The following TRIM47 variants were observed in gnomAD, a reference collection of about 807,000 sequenced individuals.
TRIM47 encodes the protein tripartite motif containing 47, also known as E3 ubiquitin-protein ligase TRIM47.
In TRIM47, 46 loss-of-function variants were observed where a neutral mutation model predicts 54.4. That is an observed-to-expected ratio of 0.84 (90% CI 0.67 to 1.08). The LOEUF is 1.08. Ranked by LOEUF, TRIM47 falls within the 50% of genes least tolerant of loss-of-function variation. The probability of loss-of-function intolerance (pLI) is 0.00; values close to 1 mark genes in which losing one functional copy is unlikely to be tolerated. For missense variants in TRIM47, 825 were observed against 910.1 expected (o/e 0.91, Z 1.20); for synonymous variants, 392 against 410.2 (o/e 0.96, Z 0.54).
intron 1 of TRIM47, chr17:75,877,502 C>T (rs2065142695): frequency 6.6e-6 from 2 of 304,266 alleles, no homozygotes; most frequent in East Asian, 7.5e-5. Context: ...AAGCTGCTGC[C>T]TCAGCCCAGG....
At position 75,876,351 on chromosome 17, in the gene TRIM47, G is replaced by A. The variant is rs199950413; in HGVS notation, c.913C>T (p.Arg305Trp). Residue 305 changes from arginine to tryptophan, a missense_variant, in exon 3 of 6, where the codon CGG becomes TGG. By Grantham distance (101) the Arg-to-Trp change is moderately radical. Coordinates refer to ENST00000254816, the MANE Select transcript of TRIM47 (RefSeq NM_033452.3). ...AMLGRSQGDL[R>W]RQEEQRSRLS... The stretch of plus-strand genomic sequence containing the variant: ...CGGCTGCGCTGTTCCTCCTGTCGCC[G>A]CAGGTCACCCTGGGAGCGGCCTAGC... 59 of 1,611,812 alleles carry A rather than the reference G, an allele frequency of 3.7e-5. No individual in the cohort carries two copies. The highest frequency in any genetic ancestry group is 3.3e-4 in the African/African-American group (25 of 75,024).
chr17:75,876,099 C>G lies in TRIM47; in HGVS notation c.1003G>C (p.Glu335Gln). ...AGGGCCAGCCTTAGTGCCAGCAGCTCCTGTGCCAGACAAATGCCCATTAAA... is the reference window on the plus strand; with the variant it reads ...AGGGCCAGCCTTAGTGCCAGCAGCTGCTGTGCCAGACAAATGCCCATTAAA... ...PEADSVSFLQELLALRLALED... is the reference protein window; with the variant it reads ...PEADSVSFLQQLLALRLALED... Residue 335 changes from glutamate to glutamine, a missense_variant and splice_region_variant, in exon 4 of 6, where the codon GAG (glutamate) becomes CAG (glutamine). Transcript: ENST00000254816. 2 of 1,600,338 alleles carry G rather than the reference C, an allele frequency of 1.2e-6. No homozygotes were observed. Among genetic ancestry groups the G allele is most frequent in the Non-Finnish European group, 1.7e-6 (2 of 1,179,748 alleles).
chr17:75,878,239 C>G lies in TRIM47; in HGVS notation c.310G>C (p.Ala104Pro). 1 of 1,234,378 alleles carries G rather than the reference C, an allele frequency of 8.1e-7. No individual in the cohort carries two copies. Among genetic ancestry groups the G allele is most frequent in the Non-Finnish European group, 1.0e-6 (1 of 988,962 alleles). The allele number at this position is 1,234,378 out of a possible 1,614,324, so 76.5% of individuals were successfully genotyped here. A position where few individuals can be genotyped will look rare whatever the true frequency, so the allele number is the denominator to read the frequency against. Reference sequence around the variant, plus strand: ...GACGGCTCCGGGACACTGGGCAGCGCGCTGGGTGCCGAGGGCTCCGGGGCC... The same window carrying G: ...GACGGCTCCGGGACACTGGGCAGCGGGCTGGGTGCCGAGGGCTCCGGGGCC... ...ALAPEPSAPSALPSVPEPSAP... is the reference protein window; with the variant it reads ...ALAPEPSAPSPLPSVPEPSAP... Residue 104 changes from alanine (A) to proline (P), a missense_variant, in exon 1 of 6, where the codon GCG (alanine) becomes CCG (proline). By Grantham distance (27) the Ala-to-Pro change is conservative. Coordinates refer to ENST00000254816, the MANE Select transcript of TRIM47 (RefSeq NM_033452.3).
rs375823696 is a variant in TRIM47, at chr17:75,876,793, C to G, written c.696G>C (p.Leu232=). Residue 232 remains leucine (L), a synonymous_variant, in exon 2 of 6, where the codon CTG becomes CTC. Coordinates refer to ENST00000254816, the MANE Select transcript of TRIM47 (RefSeq NM_033452.3). ...ALQEAEQSKV[L]SAVEDRMDEL... ...CGTCCATGCGGTCCTCCACGGCGCTCAGGACTTTGGACTGCTCAGCCTGTG... is the reference window on the plus strand; with the variant it reads ...CGTCCATGCGGTCCTCCACGGCGCTGAGGACTTTGGACTGCTCAGCCTGTG... 36 of 1,614,102 alleles carry G rather than the reference C, an allele frequency of 2.2e-5. No individual in the cohort carries two copies. In the South Asian group the frequency reaches 2.9e-4, roughly 13 times the overall value.
In TRIM47 at chr17:75,875,962, C is replaced by T; in HGVS notation, c.1140G>A (p.Gln380=). 1 of 1,610,380 alleles carries T rather than the reference C, an allele frequency of 6.2e-7. No individual in the cohort carries two copies. The highest frequency in any genetic ancestry group is 8.5e-7 in the Non-Finnish European group (1 of 1,179,994). ...CACCCGGCCCCCTCAGCTGCTCCCACTGGTTGACGCAGGCCACGGCCAGCA... is the reference window on the plus strand; with the variant it reads ...CACCCGGCCCCCTCAGCTGCTCCCATTGGTTGACGCAGGCCACGGCCAGCA... The part of the protein sequence containing the change: ...RDMLAVACVN[Q]WEQLRGPGGN... The change falls in exon 4 of 6, where the codon CAG becomes CAA. Residue 380 remains glutamine (Q), a synonymous_variant. Transcript: ENST00000254816. The surrounding 1 kb of genome is among the most constrained non-coding windows in gnomAD (Gnocchi z 6.1).
intron 1 of TRIM47, chr17:75,877,365 A>C: frequency 6.1e-6 from 1 of 163,292 alleles, no homozygotes; most frequent in Non-Finnish European, 1.3e-5. Flanking sequence ...GGCCAAAGGA[A>C]ACTGGGGGCG....
Position 75,876,901 on chromosome 17 carries a change from G to A in TRIM47, c.676-88C>T, listed in dbSNP as rs1599437635. On this transcript the variant is annotated intron_variant, in intron 1 of 5. Transcript: ENST00000254816. ...CCAGGCCTTGCCAGGGGAGAGAAGG[G>A]GGTGACTGGGGAGTGGTATCTGTGC... 6 of 1,269,136 alleles carry A rather than the reference G, an allele frequency of 4.7e-6. No homozygotes were observed. In the East Asian group the frequency reaches 1.2e-4, roughly 26 times the overall value. The allele number at this position is 1,269,136 out of a possible 1,614,324, so 78.6% of individuals were successfully genotyped here.
In TRIM47 at chr17:75,874,396, T is replaced by C. The variant is rs1014888562; in HGVS notation, c.*87A>G. 2 of 1,305,486 alleles carry C rather than the reference T, an allele frequency of 1.5e-6. No homozygotes were observed. The highest frequency in any genetic ancestry group is 2.1e-6 in the Non-Finnish European group (2 of 967,362). The allele number at this position is 1,305,486 out of a possible 1,614,324, so 80.9% of individuals were successfully genotyped here. A position where few individuals can be genotyped will look rare whatever the true frequency, so the allele number is the denominator to read the frequency against. On this transcript the variant is annotated 3_prime_UTR_variant, in exon 6 of 6. Transcript: ENST00000254816. This position sits in a 1 kb window ranked among gnomAD's most constrained non-coding sequence, Gnocchi z 6.2. ...GAGAAGGCTGGGTGTGTGGGACTCATGCTGGTGCCTTCCCAGACGAAGGAG... is the reference window on the plus strand; with the variant it reads ...GAGAAGGCTGGGTGTGTGGGACTCACGCTGGTGCCTTCCCAGACGAAGGAG...
Position 75,876,507 on chromosome 17 carries a change from A to C in TRIM47, c.772-15T>G. The C allele has an allele frequency of 6.3e-7, 1 of 1,582,518 alleles. No homozygotes were observed. ...ACGGCTGCACTCTGCACAGGACGACAGTAGAGGGGGCAATGAGGGCAAAGA... is the reference window on the plus strand; with the variant it reads ...ACGGCTGCACTCTGCACAGGACGACCGTAGAGGGGGCAATGAGGGCAAAGA... On this transcript the variant is annotated splice_polypyrimidine_tract_variant and intron_variant, in intron 2 of 5. Transcript: ENST00000254816.
chr17:75,878,475 C>T lies in TRIM47; in HGVS notation c.74G>A (p.Gly25Asp). ...CAGGCAGGCGAGACAGAAGTTGTGG[C>T]CGCAGGGCAGCGTCACCGGCTCCCG... ...PLREPVTLPCGHNFCLACLGA... is the reference protein window; with the variant it reads ...PLREPVTLPCDHNFCLACLGA... Residue 25 changes from glycine (G) to aspartate (D), a missense_variant, in exon 1 of 6, where the codon GGC becomes GAC. Coordinates refer to ENST00000254816, the MANE Select transcript of TRIM47 (RefSeq NM_033452.3). 2.1e-6 allele frequency: 3 copies of T among 1,406,902 alleles called. No individual in the cohort carries two copies. Among genetic ancestry groups the T allele is most frequent in the Admixed American group, 5.3e-5 (2 of 37,952 alleles). 87.2% of individuals were successfully genotyped at this position (1,406,902 alleles called of 1,614,324 possible).
At position 75,875,184 on chromosome 17, in the gene TRIM47, C is replaced by T. The variant is rs1366777112; in HGVS notation, c.1277-61G>A. The stretch of plus-strand genomic sequence containing the variant: ...GGGCCAGGCTCAGAGGGCACGGCCC[C>T]TCCCCAAGTACCCACCCCCCCAAAA... On this transcript the variant is annotated intron_variant, in intron 5 of 5. Coordinates refer to ENST00000254816, the MANE Select transcript of TRIM47 (RefSeq NM_033452.3). The surrounding 1 kb of genome is among the most constrained non-coding windows in gnomAD (Gnocchi z 6.1). 3 of 1,525,564 alleles carry T rather than the reference C, an allele frequency of 2.0e-6. No individual in the cohort carries two copies. Among genetic ancestry groups the T allele is most frequent in the East Asian group, 4.5e-5 (2 of 44,188 alleles). The allele number at this position is 1,525,564 out of a possible 1,614,324, so 94.5% of individuals were successfully genotyped here.
intron 2 of TRIM47, 58 bp from the exon 3 acceptor site, chr17:75,876,550 C>T: frequency 6.6e-7 from 1 of 1,510,718 alleles, no homozygotes; most frequent in Non-Finnish European, 8.9e-7. Context: ...CGGACTGTAC[C>T]CCCCTCCTTC....
rs761531104 is a variant in TRIM47 at position 75,874,935 on chromosome 17, T to A, written c.1465A>T (p.Ile489Phe). The change falls in exon 6 of 6, where the codon ATC becomes TTC. Residue 489 changes from isoleucine to phenylalanine, a missense_variant. Physicochemically the swap from Ile to Phe is conservative, Grantham distance 21 (BLOSUM62 0). Coordinates refer to ENST00000254816, the MANE Select transcript of TRIM47 (RefSeq NM_033452.3). The surrounding 1 kb of genome is among the most constrained non-coding windows in gnomAD (Gnocchi z 6.2). ...RGTYYWEVEIIEGWVSMGVMA... is the reference protein window; with the variant it reads ...RGTYYWEVEIFEGWVSMGVMA... ...ACCCCCATGCTGACCCAGCCCTCGA[T>A]AATCTCCACCTCCCAGTAGTAGGTG... 2.5e-6 allele frequency: 4 copies of A among 1,614,042 alleles called. No homozygotes were observed. The highest frequency in any genetic ancestry group is 1.7e-5 in the Admixed American group (1 of 60,018).
Position 75,875,803 on chromosome 17 carries a change from A to G in TRIM47, c.1201+98T>C. The G allele has an allele frequency of 7.1e-7, 1 of 1,408,206 alleles. No homozygotes were observed. The allele number at this position is 1,408,206 out of a possible 1,614,324, so 87.2% of individuals were successfully genotyped here. A position where few individuals can be genotyped will look rare whatever the true frequency, so the allele number is the denominator to read the frequency against. Reference sequence around the variant, plus strand: ...TGGGCTCCTCCCTGTGCCAGGCACAATTTTCCTCCTCCACTTCTGGATGGG... The same window carrying G: ...TGGGCTCCTCCCTGTGCCAGGCACAGTTTTCCTCCTCCACTTCTGGATGGG... On this transcript the variant is annotated intron_variant, in intron 4 of 5. Transcript: ENST00000254816. The surrounding 1 kb of genome is among the most constrained non-coding windows in gnomAD (Gnocchi z 6.1).
At chr17:75,876,190 A>C in intron 3 of TRIM47, 72 bp downstream of exon 3, 1 of 1,564,932 alleles carries the variant, frequency 6.4e-7, no homozygotes, top group South Asian at 1.1e-5. Flanking sequence ...TCATGCACCC[A>C]CTGCCTCCTC....
Position 75,874,502 on chromosome 17 carries a change from G to T in TRIM47, c.1898C>A (p.Ser633Tyr), listed in dbSNP as rs371974746. The T allele has an allele frequency of 4.0e-6, 6 of 1,509,686 alleles. No individual in the cohort carries two copies. The highest frequency in any genetic ancestry group is 4.6e-5 in the Admixed American group (2 of 43,818). 93.5% of individuals were successfully genotyped at this position (1,509,686 alleles called of 1,614,324 possible). Residue 633 changes from serine (S) to tyrosine (Y), a missense_variant, in exon 6 of 6, where the codon TCC becomes TAC. By Grantham distance (144) the Ser-to-Tyr change is moderately radical (BLOSUM62 -2). Transcript: ENST00000254816. The surrounding 1 kb of genome is among the most constrained non-coding windows in gnomAD (Gnocchi z 6.2). ...CCGGCATCACCTCCTCTTCAGCACG[G>T]ATATGCAGGACTTCTTGAGGGGCCC... ...QIGPLKKSCISVLKRR is the reference protein window; with the variant it reads ...QIGPLKKSCIYVLKRR
At position 75,878,096 on chromosome 17, in the gene TRIM47, AAAG is replaced by A; in HGVS notation, c.450_452del (p.Phe151del). 1 of 1,318,080 alleles carries A rather than the reference AAAG, an allele frequency of 7.6e-7. No individual in the cohort carries two copies. Among genetic ancestry groups the A allele is most frequent in the Non-Finnish European group, 9.6e-7 (1 of 1,037,718 alleles). 81.6% of individuals were successfully genotyped at this position (1,318,080 alleles called of 1,614,324 possible). A position where few individuals can be genotyped will look rare whatever the true frequency, so the allele number is the denominator to read the frequency against. ...CGTGCGGGCCCAGGTGCGCGGGGCAAAAGGAGGCGAGGCAGGAGAGGCAGGACA... is the reference window on the plus strand; with the variant it reads ...CGTGCGGGCCCAGGTGCGCGGGGCAAGAGGCGAGGCAGGAGAGGCAGGACA... On this transcript the variant is annotated inframe_deletion, in exon 1 of 6. Transcript: ENST00000254816.
rs975719787 is a variant in TRIM47 at position 75,876,833 on chromosome 17, T to C, written c.676-20A>G. ...CTCAGCCTGTGGACAACACCCTCCA[T>C]GAGTGTGAGGTCTGGCAGAGGCCAC... On this transcript the variant is annotated intron_variant, in intron 1 of 5. Transcript: ENST00000254816. The C allele has an allele frequency of 2.5e-6, 4 of 1,611,588 alleles. No homozygotes were observed. The highest frequency in any genetic ancestry group is 3.4e-6 in the Non-Finnish European group (4 of 1,178,452).
chr17:75,874,529 A>G lies in TRIM47; in HGVS notation c.1871T>C (p.Ile624Thr), dbSNP rs1194474953. 6.6e-7 allele frequency: 1 copy of G among 1,513,700 alleles called. No homozygotes were observed. Among genetic ancestry groups the G allele is most frequent in the Admixed American group, 2.3e-5 (1 of 44,074 alleles). 93.8% of individuals were successfully genotyped at this position (1,513,700 alleles called of 1,614,324 possible). Residue 624 changes from isoleucine (I) to threonine (T), a missense_variant, in exon 6 of 6, where the codon ATC becomes ACC. Ile to Thr is a moderately conservative substitution (Grantham distance 89, BLOSUM62 -1). Transcript: ENST00000254816. The surrounding 1 kb of genome is among the most constrained non-coding windows in gnomAD (Gnocchi z 6.2). ...FLESVDAHLQIGPLKKSCISV... is the reference protein window; with the variant it reads ...FLESVDAHLQTGPLKKSCISV... ...TATGCAGGACTTCTTGAGGGGCCCG[A>G]TCTGCAAGTGGGCGTCCACACTCTC...
Sources: allele counts gnomAD v4.1 joint callset, GRCh38; gene constraint gnomAD v4.1.1; non-coding constraint Gnocchi (gnomAD v3.1); transcripts MANE v1.5; gene names NCBI Gene and HGNC (gene_info 2026-07-23, HGNC 2026-07-21).